The following USP32 variants were observed in gnomAD, a reference collection of about 807,000 sequenced individuals.
USP32 encodes ubiquitin specific peptidase 32.
Under a neutral mutation model 204.8 loss-of-function variants are expected in USP32, and 59 were observed. The observed-to-expected ratio is 0.29, with a 90% CI of 0.23 to 0.36. The LOEUF (loss-of-function observed/expected upper bound fraction) is 0.36. USP32 is among the 10% of genes least tolerant of loss of function. The pLI, the probability that USP32 is intolerant of heterozygous loss-of-function variation, is 1.00. For missense variants in USP32, 1,160 were observed against 1,946.4 expected (o/e 0.60, Z 7.60); for synonymous variants, 517 against 678.4 (o/e 0.76, Z 3.70).
intron 26 of USP32, among the ~76,000 whole-genome samples, chr17:60,199,031 G>A (rs1000548439): frequency 2.0e-5 from 3 of 151,956 alleles, no homozygotes; most frequent in Non-Finnish European, 4.4e-5. Context: ...TGGGAGGATT[G>A]CCTGAGTCTG....
chr17:60,383,235 C>CAAAA (rs11300967), intron 1 of USP32, among the ~76,000 whole-genome samples: 1 of 74,046 alleles, frequency 1.4e-5, no homozygotes, highest in African/African-American at 3.6e-5. Flanking sequence ...GACATCGTCC[C>CAAAA]AAAAAAAAAA....
chr17:60,421,802 G>C (rs1297124477), intron 1 of USP32: 2 of 958,384 alleles, frequency 2.1e-6, no homozygotes, highest in South Asian at 4.8e-5. Flanking sequence ...AGGAAGAGTC[G>C]GGGTGGCGGG....
Position 60,208,162 on chromosome 17 carries a change from T to G in USP32, c.2822A>C (p.Asn941Thr), listed in dbSNP as rs1410954107. ...TTPVRYGLRL[N>T]MDEKYTGLKK... ...TAAACCTGTGTACTTTTCATCCATA[T>G]TCAGTCTTAGTCCATACCGTACAGG... is the stretch of plus-strand genomic sequence containing the variant. The change falls in exon 24 of 34, where the codon AAT becomes ACT. Residue 941 changes from asparagine (N) to threonine (T), a missense_variant. Asn to Thr is a moderately conservative substitution (Grantham distance 65, BLOSUM62 0). Around this residue, in one of 8 missense-constraint regions of USP32, gnomAD observed 132 missense variants for 432.8 expected, o/e 0.30. Coordinates refer to ENST00000300896, the MANE Select transcript of USP32 (RefSeq NM_032582.4). The G allele has an allele frequency of 6.2e-7, 1 of 1,602,424 alleles. No individual in the cohort carries two copies. The highest frequency in any genetic ancestry group is 1.7e-5 in the Admixed American group (1 of 58,834).
intron 5 of USP32, among the ~76,000 whole-genome samples, chr17:60,274,331 A>G (rs1376420548): frequency 1.3e-5 from 2 of 152,184 alleles, no homozygotes; most frequent in Admixed American, 6.5e-5. Flanking sequence ...TATCAAACAT[A>G]CATACAATTG....
chr17:60,388,799 T>C (rs1255549519), intron 1 of USP32, among the ~76,000 whole-genome samples: 10 of 152,188 alleles, frequency 6.6e-5, no homozygotes, highest in Admixed American at 5.9e-4. Context: ...CTAGCTAAAA[T>C]AGTGTGCAAA....
intron 5 of USP32, among the ~76,000 whole-genome samples, chr17:60,281,307 G>C (rs1229387768): frequency 6.6e-6 from 1 of 152,234 alleles, no homozygotes; most frequent in East Asian, 1.9e-4. Flanking sequence ...GGGAGGCCGA[G>C]GCGGATGGAT....
rs554156665 is a variant in USP32 at position 60,323,789 on chromosome 17, A to G, written c.186+21692T>C. Among the ~76,000 whole-genome samples, 190 of 152,358 alleles carry G rather than the reference A, an allele frequency of 1.2e-3. 1 individual carries two copies. The highest frequency in any genetic ancestry group is 4.3e-3 in the African/African-American group (179 of 41,580). ...TATAACAAGAAAGAAGGAAGACTGG[A>G]AAAGTAGTTCAAGATAAACCTTCAT... is the stretch of plus-strand genomic sequence containing the variant. On this transcript the variant is annotated intron_variant, in intron 2 of 33. Coordinates refer to ENST00000300896, the MANE Select transcript of USP32 (RefSeq NM_032582.4).
intron 1 of USP32, among the ~76,000 whole-genome samples, chr17:60,349,597 ATATATATATATATATATATATATATAT>A (rs1344865768): frequency 0.01 from 396 of 38,426 alleles, 4 homozygotes; most frequent in African/African-American, 0.016. Flanking sequence ...AAAAAAAAAA[ATATATATATATATATATATATATATAT>A]TATATATATA....
At chr17:60,353,720 G>T (rs573966685) in intron 1 of USP32, among the ~76,000 whole-genome samples, 1 of 152,296 alleles carries the variant, frequency 6.6e-6, no homozygotes, top group South Asian at 2.1e-4. Flanking sequence ...CAGCCTGGGA[G>T]ACAGAGTGAG....
chr17:60,305,875 A>T (rs946289524), intron 2 of USP32, among the ~76,000 whole-genome samples: 16 of 152,210 alleles, frequency 1.1e-4, no homozygotes, highest in African/African-American at 3.6e-4. Flanking sequence ...TGTTTGGAAT[A>T]TACTGCTACC....
chr17:60,236,575 A>C (rs2085731839), intron 11 of USP32, among the ~76,000 whole-genome samples: 1 of 152,236 alleles, frequency 6.6e-6, no homozygotes, highest in Non-Finnish European at 1.5e-5. Flanking sequence ...TCTTCAAAAC[A>C]GCCTTATTGA....
chr17:60,266,544 A>G (rs1391440314), intron 7 of USP32, among the ~76,000 whole-genome samples: 2 of 152,174 alleles, frequency 1.3e-5, no homozygotes, highest in Non-Finnish European at 2.9e-5. Context: ...GCTAGAGTGC[A>G]GTGGCATGAT....
At chr17:60,375,339 T>C (rs544050577) in intron 1 of USP32, among the ~76,000 whole-genome samples, 6 of 152,318 alleles carry the variant, frequency 3.9e-5, no homozygotes, top group African/African-American at 1.4e-4. Context: ...TCAGCTTGCA[T>C]GGTCATTTTT....
At position 60,181,756 on chromosome 17, in the gene USP32, C is replaced by T. The variant is rs773861108; in HGVS notation, c.4124-8G>A. 82 of 1,603,220 alleles carry T rather than the reference C, an allele frequency of 5.1e-5. No homozygotes were observed. In the Middle Eastern group the frequency reaches 6.8e-4, roughly 13 times the overall value. On this transcript the variant is annotated splice_region_variant and splice_polypyrimidine_tract_variant and intron_variant, in intron 31 of 33. Transcript: ENST00000300896. ...TTGATGAAGAAGGAGAACCTGTGAA[C>T]AGGACAGAAGAAAAGATTCACAAAT...
chr17:60,257,451 G>A (rs1450161982), intron 9 of USP32, among the ~76,000 whole-genome samples: 1 of 152,104 alleles, frequency 6.6e-6, no homozygotes, highest in African/African-American at 2.4e-5. Flanking sequence ...TCTCACAGTG[G>A]AGAGAGGGTT....
At chr17:60,313,494 C>A (rs1367941222) in intron 2 of USP32, among the ~76,000 whole-genome samples, 4 of 151,696 alleles carry the variant, frequency 2.6e-5, no homozygotes, top group Non-Finnish European at 5.9e-5. Flanking sequence ...AATAAAGGGC[C>A]CCTTGAAATT....
chr17:60,246,413 A>ATTTT (rs373810890), intron 11 of USP32, among the ~76,000 whole-genome samples: 15 of 142,730 alleles, frequency 1.1e-4, no homozygotes, highest in African/African-American at 3.6e-4. Flanking sequence ...ATATATATAT[A>ATTTT]TTTTTTTTTT....
At chr17:60,287,144 C>T (rs985165644) in intron 5 of USP32, among the ~76,000 whole-genome samples, 36 of 152,110 alleles carry the variant, frequency 2.4e-4, no homozygotes, top group African/African-American at 8.7e-4. Context: ...AGCAATACTT[C>T]GTCTCAAATT....
At chr17:60,297,294 A>T (rs1351010402) in intron 3 of USP32, among the ~76,000 whole-genome samples, 1 of 151,928 alleles carries the variant, frequency 6.6e-6, no homozygotes, top group Non-Finnish European at 1.5e-5. Flanking sequence ...AGCTACTCAG[A>T]AGGCTGAAAC....
Sources: gnomAD v4.1 joint callset for allele counts (sites outside exome capture counted in the v4.1 genomes callset) on GRCh38, gnomAD v4.1.1 for gene constraint, gnomAD v4.1.1 regional missense constraint, MANE v1.5 for transcripts, NCBI Gene and HGNC (gene_info 2026-07-23, HGNC 2026-07-21) for gene names.